The following LPP variants were observed in gnomAD, a reference collection of about 807,000 sequenced individuals.
LPP encodes the protein LIM domain containing preferred translocation partner in lipoma, also known as lipoma-preferred partner.
A neutral mutation model predicts 60.4 loss-of-function variants in LPP; 38 were observed. The ratio of observed to expected loss-of-function variants is 0.63; its 90% CI spans 0.49 to 0.83. The LOEUF is 0.83. Ranked by LOEUF, LPP falls within the 40% of genes least tolerant of loss-of-function variation. The pLI is 0.00. For missense variants in LPP, 902 were observed against 783.6 expected, an observed-to-expected ratio of 1.15 and a Z score of -1.80; for synonymous variants, 328 against 290.8, an observed-to-expected ratio of 1.13 and a Z score of -1.30.
chr3:188,505,173 A>G (rs753876232), intron 5 of LPP, among the ~76,000 whole-genome samples: 4 of 152,240 alleles, frequency 2.6e-5, no homozygotes, highest in Non-Finnish European at 5.9e-5. Context: ...AGTTGTTGAT[A>G]TAGATGGTGG....
intron 8 of LPP, among the ~76,000 whole-genome samples, chr3:188,746,123 A>G (rs1726106387): frequency 6.6e-6 from 1 of 152,152 alleles, no homozygotes; most frequent in Non-Finnish European, 1.5e-5. Flanking sequence ...AGGCTAAATT[A>G]TTCCTCAGTG....
At chr3:188,844,130 A>G (rs1262863670) in intron 9 of LPP, among the ~76,000 whole-genome samples, 1 of 152,084 alleles carries the variant, frequency 6.6e-6, no homozygotes, top group Non-Finnish European at 1.5e-5. Flanking sequence ...TGCACTATGG[A>G]TTTGTTCTTT....
At chr3:188,523,771 A>G (rs1449257363) in intron 5 of LPP, among the ~76,000 whole-genome samples, 1 of 152,208 alleles carries the variant, frequency 6.6e-6, no homozygotes, top group Non-Finnish European at 1.5e-5. Context: ...CTGAAGATAC[A>G]CTTTGGTCTC....
At chr3:188,252,041 T>G (rs1223893331) in intron 2 of LPP, among the ~76,000 whole-genome samples, 12 of 73,800 alleles carry the variant, frequency 1.6e-4, no homozygotes, top group Non-Finnish European at 2.8e-4. Flanking sequence ...GATATATATA[T>G]ATATATATAT....
Position 188,671,071 on chromosome 3 carries a change from C to T in LPP, c.1114-37196C>T, listed in dbSNP as rs531387387. ...AAGTCTTGCCAGATTGTTCTCTCTA[C>T]GTTCTAAAATCTTTCCAATTTTGAA... On this transcript the variant is annotated intron_variant, in intron 7 of 11. Coordinates refer to ENST00000617246, the MANE Select transcript of LPP (RefSeq NM_001375462.1). Among the ~76,000 whole-genome samples, 8 of 152,328 alleles carry T rather than the reference C, an allele frequency of 5.3e-5. No individual in the cohort carries two copies. The South Asian group carries it at 8.3e-4, about 16-fold the overall frequency.
At chr3:188,707,094 T>A (rs556997813) in intron 7 of LPP, among the ~76,000 whole-genome samples, 79 of 152,322 alleles carry the variant, frequency 5.2e-4, no homozygotes, top group African/African-American at 1.9e-3. Flanking sequence ...TCAAGTACTC[T>A]CTCAATTGAT....
At position 188,866,342 on chromosome 3, in the gene LPP, C is replaced by A; in HGVS notation, c.1553C>A (p.Ala518Asp). Reference protein sequence around the residue: ...SLDGIPFTVDAGGLIHCIEDF... With the variant: ...SLDGIPFTVDDGGLIHCIEDF... ...GATGGGATCCCATTCACTGTGGATGCTGGCGGGCTCATTCACTGCATTGAG... is the reference window on the plus strand; with the variant it reads ...GATGGGATCCCATTCACTGTGGATGATGGCGGGCTCATTCACTGCATTGAG... Residue 518 changes from alanine (A) to aspartate (D), a missense_variant, in exon 10 of 12, where the codon GCT becomes GAT. Physicochemically the swap from Ala to Asp is moderately radical, Grantham distance 126. Coordinates refer to ENST00000617246, the MANE Select transcript of LPP (RefSeq NM_001375462.1). 6.4e-7 allele frequency: 1 copy of A among 1,567,930 alleles called. No homozygotes were observed. Among genetic ancestry groups the A allele is most frequent in the Non-Finnish European group, 8.7e-7 (1 of 1,155,374 alleles).
At chr3:188,602,564 T>C (rs1233908669) in intron 6 of LPP, among the ~76,000 whole-genome samples, 2 of 152,036 alleles carry the variant, frequency 1.3e-5, no homozygotes, top group Non-Finnish European at 2.9e-5. Context: ...CAAGCTCTTC[T>C]TGGGCAATAA....
At chr3:188,228,468 G>A (rs564206077) in intron 2 of LPP, among the ~76,000 whole-genome samples, 146 of 152,240 alleles carry the variant, frequency 9.6e-4, no homozygotes, top group Admixed American at 2.0e-3. Flanking sequence ...GCCAGACTAC[G>A]TGATTTAATG....
chr3:188,808,965 G>A (rs1750027568), intron 9 of LPP, among the ~76,000 whole-genome samples: 1 of 152,130 alleles, frequency 6.6e-6, no homozygotes, highest in African/African-American at 2.4e-5. Context: ...AGTTTGCTGA[G>A]GATGATGGCT....
chr3:188,612,734 G>A (rs781215316), intron 7 of LPP, among the ~76,000 whole-genome samples: 2 of 152,040 alleles, frequency 1.3e-5, no homozygotes, highest in Non-Finnish European at 2.9e-5. Context: ...ATTACATTGA[G>A]TGCTTCTGGG....
At position 188,887,176 on chromosome 3, in the gene LPP, C is replaced by T. The variant is rs1472790037; in HGVS notation, c.*12697C>T. 1.3e-5 allele frequency: 3 copies of T among 226,086 alleles called. No homozygotes were observed. In the East Asian group the frequency reaches 1.9e-4, roughly 14 times the overall value. The allele number at this position is 226,086 out of a possible 1,614,324, so 14.0% of individuals were successfully genotyped here. A position where few individuals can be genotyped will look rare whatever the true frequency, so the allele number is the denominator to read the frequency against. On this transcript the variant is annotated 3_prime_UTR_variant, in exon 12 of 12. Coordinates refer to ENST00000617246, the MANE Select transcript of LPP (RefSeq NM_001375462.1). ...TATGAAGTCTGAATGTCGTTCCTCACCCCCAAATTGTTTAACTCTGCTTCC... is the reference window on the plus strand; with the variant it reads ...TATGAAGTCTGAATGTCGTTCCTCATCCCCAAATTGTTTAACTCTGCTTCC...
intron 9 of LPP, among the ~76,000 whole-genome samples, chr3:188,858,530 C>A (rs985900262): frequency 6.6e-6 from 1 of 152,144 alleles, no homozygotes; most frequent in Non-Finnish European, 1.5e-5. Flanking sequence ...ACAATCCTAA[C>A]CCTAGTGCTT....
intron 6 of LPP, among the ~76,000 whole-genome samples, chr3:188,591,827 T>C (rs756579165): frequency 2.0e-5 from 3 of 152,246 alleles, no homozygotes; most frequent in Non-Finnish European, 4.4e-5. Context: ...TAATCTCTAA[T>C]ATCAATTGTC....
intron 7 of LPP, among the ~76,000 whole-genome samples, chr3:188,674,699 C>T (rs748558719): frequency 6.6e-6 from 1 of 152,116 alleles, no homozygotes; most frequent in Non-Finnish European, 1.5e-5. Flanking sequence ...TAAGGTTTAC[C>T]ATCTCATTTT....
At position 188,888,223 on chromosome 3, in the gene LPP, A is replaced by T. The variant is rs1165439852; in HGVS notation, c.*13744A>T. The T allele has an allele frequency of 4.5e-6, 1 of 221,024 alleles. No homozygotes were observed. The highest frequency in any genetic ancestry group is 2.2e-5 in the African/African-American group (1 of 44,796). 13.7% of individuals were successfully genotyped at this position (221,024 alleles called of 1,614,324 possible). A position where few individuals can be genotyped will look rare whatever the true frequency, so the allele number is the denominator to read the frequency against. On this transcript the variant is annotated 3_prime_UTR_variant, in exon 12 of 12. Transcript: ENST00000617246. ...CTCTTTCTCTACAGCTAAGTAAGGGAATATGTGCAATTATGAGACATACAA... is the reference window on the plus strand; with the variant it reads ...CTCTTTCTCTACAGCTAAGTAAGGGTATATGTGCAATTATGAGACATACAA...
chr3:188,383,167 A>T (rs1329053925), intron 3 of LPP, among the ~76,000 whole-genome samples: 1 of 152,186 alleles, frequency 6.6e-6, no homozygotes, highest in East Asian at 1.9e-4. Flanking sequence ...CGTTGATCAC[A>T]TATTAAAAAT....
intron 6 of LPP, among the ~76,000 whole-genome samples, chr3:188,532,097 AC>A (rs1459634446): frequency 6.6e-6 from 1 of 152,096 alleles, no homozygotes; most frequent in Non-Finnish European, 1.5e-5. Context: ...AAAAACCCTC[AC>A]ATTTAGTGCC....
intron 4 of LPP, among the ~76,000 whole-genome samples, chr3:188,463,613 C>T (rs1799659742): frequency 6.6e-6 from 1 of 152,120 alleles, no homozygotes; most frequent in African/African-American, 2.4e-5. Context: ...AGAAGACTTG[C>T]AAGAGTCCAA....
Sources: gnomAD v4.1 joint callset for allele counts (sites outside exome capture counted in the v4.1 genomes callset) on GRCh38, gnomAD v4.1.1 for gene constraint, MANE v1.5 for transcripts, NCBI Gene and HGNC (gene_info 2026-07-23, HGNC 2026-07-21) for gene names.